LRP2BP: variants seen among roughly 807,000 people sequenced by gnomAD.
The protein encoded by LRP2BP is LRP2 binding protein, also known as LRP2-binding protein.
LRP2BP carries 38 observed loss-of-function variants against 45.2 expected under a neutral mutation model. The ratio of observed to expected loss-of-function variants is 0.84; its 90% CI spans 0.65 to 1.10. The LOEUF (loss-of-function observed/expected upper bound fraction) is 1.10. Ranked by LOEUF, LRP2BP falls within the 50% of genes least tolerant of loss-of-function variation. The pLI is 0.00. For synonymous variants in LRP2BP, 153 were observed against 153.9 expected (o/e 0.99, Z 0.04); for missense variants, 385 against 418.9 (o/e 0.92, Z 0.71).
chr4:185,370,874 A>T, intron 7 of LRP2BP, 60 bp from the exon 8 acceptor site: 1 of 1,553,906 alleles, frequency 6.4e-7, no homozygotes, highest in Non-Finnish European at 8.9e-7. Context: ...TGTTTGTAAA[A>T]CGATGCGCCT....
chr4:185,367,548 A>G (rs1017720679), intron 8 of LRP2BP, among the ~76,000 whole-genome samples: 1 of 152,208 alleles, frequency 6.6e-6, no homozygotes, highest in Non-Finnish European at 1.5e-5. Flanking sequence ...TAAAATGGAG[A>G]GCATTAACAT....
Position 185,378,459 on chromosome 4 carries a change from G to A in LRP2BP, c.-21-252C>T, listed in dbSNP as rs867327926. 7 of 1,234,286 alleles carry A rather than the reference G, an allele frequency of 5.7e-6. No individual in the cohort carries two copies. The South Asian group carries it at 6.3e-5, about 11-fold the overall frequency. 76.5% of individuals were successfully genotyped at this position (1,234,286 alleles called of 1,614,324 possible). A position where few individuals can be genotyped will look rare whatever the true frequency, so the allele number is the denominator to read the frequency against. Reference sequence around the variant, plus strand: ...CATTCACCATGAGACCTGTTTGCACGTCCTGTCTGGCTATGGGTTTATACA... The same window carrying A: ...CATTCACCATGAGACCTGTTTGCACATCCTGTCTGGCTATGGGTTTATACA... On this transcript the variant is annotated intron_variant, in intron 1 of 8. Transcript: ENST00000505916.
intron 1 of LRP2BP, among the ~76,000 whole-genome samples, chr4:185,385,817 C>T (rs1418265623): frequency 6.6e-6 from 1 of 150,784 alleles, no homozygotes; most frequent in African/African-American, 2.5e-5. Flanking sequence ...AGGAGAATTG[C>T]TCAAACCCGG....
chr4:185,380,647 TA>T (rs767418939), intron 1 of LRP2BP, among the ~76,000 whole-genome samples: 11 of 152,320 alleles, frequency 7.2e-5, no homozygotes, highest in Non-Finnish European at 1.5e-4. Flanking sequence ...ACATGTAAAA[TA>T]TCCTATTTCC....
upstream of LRP2BP, chr4:185,396,897 A>T (rs757111355): frequency 1.2e-6 from 2 of 1,612,478 alleles, no homozygotes; most frequent in Non-Finnish European, 1.7e-6. Flanking sequence ...ACTTCCAAGG[A>T]CTCTTGTCAT....
At chr4:185,386,993 C>G (rs1282529785) in intron 1 of LRP2BP, among the ~76,000 whole-genome samples, 1 of 152,166 alleles carries the variant, frequency 6.6e-6, no homozygotes, top group East Asian at 1.9e-4. Context: ...TGCCTGTAAT[C>G]CCAGCACTTT....
chr4:185,396,919 G>A (rs371815282), upstream of LRP2BP: 1 of 1,613,472 alleles, frequency 6.2e-7, no homozygotes, highest in African/African-American at 1.3e-5. Flanking sequence ...TGCCTTAGGC[G>A]GGAAATGCTG....
chr4:185,397,110 C>A (rs1345082024), upstream of LRP2BP: 1 of 1,611,312 alleles, frequency 6.2e-7, no homozygotes, highest in Admixed American at 1.7e-5. Flanking sequence ...CGGGACTGGA[C>A]AAAGGTGGGA....
chr4:185,378,575 C>T (rs2095445985), intron 1 of LRP2BP: 1 of 1,003,330 alleles, frequency 1.0e-6, no homozygotes, highest in Non-Finnish European at 1.2e-6. Context: ...GCACTGGTAC[C>T]TTCTCTGCCC....
chr4:185,386,133 A>T (rs1468150227), intron 1 of LRP2BP, among the ~76,000 whole-genome samples: 1 of 152,228 alleles, frequency 6.6e-6, no homozygotes, highest in Non-Finnish European at 1.5e-5. Context: ...CACATTTGAG[A>T]AGTTCTGGAC....
rs763412583 is a variant in LRP2BP at position 185,367,136 on chromosome 4, G to T, written c.*44C>A. On this transcript the variant is annotated 3_prime_UTR_variant, in exon 9 of 9. Coordinates refer to ENST00000505916, the MANE Select transcript of LRP2BP (RefSeq NM_001377440.1). ...TAGCTACTGTAAAAATACACACATT[G>T]TGAGGTGTTAGCATTGATGATCTTT... 6.8e-6 allele frequency: 10 copies of T among 1,469,916 alleles called. No homozygotes were observed. The South Asian group carries it at 9.4e-5, about 14-fold the overall frequency. 91.1% of individuals were successfully genotyped at this position (1,469,916 alleles called of 1,614,324 possible).
At chr4:185,378,324 A>G in intron 1 of LRP2BP, 117 bp from the exon 2 acceptor site, 1 of 1,455,468 alleles carries the variant, frequency 6.9e-7, no homozygotes, top group Non-Finnish European at 9.0e-7. Context: ...CATCGCCTAG[A>G]TAGAACACCA....
At chr4:185,396,831 G>C, upstream of LRP2BP, 1 of 1,382,738 alleles carries the variant, frequency 7.2e-7, no homozygotes, top group Admixed American at 1.7e-5. Context: ...TCCCGTGCTA[G>C]GGCCAGCCTG....
rs541339069 is a variant in LRP2BP, at chr4:185,389,904, TA to T, written c.-22+4874del. Among the ~76,000 whole-genome samples, 3 of 152,080 alleles carry T rather than the reference TA, an allele frequency of 2.0e-5. No homozygotes were observed. In the South Asian group the frequency reaches 6.2e-4, roughly 32 times the overall value. ...ATGTGCACTTTATACCCAAAACGTG[TA>T]AAAAAAAGTTATTTCCCAATCTTCT... On this transcript the variant is annotated intron_variant, in intron 1 of 8. Coordinates refer to ENST00000505916, the MANE Select transcript of LRP2BP (RefSeq NM_001377440.1).
rs115278939 is a variant in LRP2BP, at chr4:185,395,776, T to C, written c.-1019A>G. ...AGAGGACAAGCATGAACTTGTTTTC[T>C]AACAGCATAACAATAAACGTATTTA... On this transcript the variant is annotated 5_prime_UTR_variant, in exon 1 of 9. Coordinates refer to ENST00000505916, the MANE Select transcript of LRP2BP (RefSeq NM_001377440.1). 1 of 985,438 alleles carries C rather than the reference T, an allele frequency of 1.0e-6. No individual in the cohort carries two copies. The highest frequency in any genetic ancestry group is 1.2e-6 in the Non-Finnish European group (1 of 829,922). The allele number at this position is 985,438 out of a possible 1,614,324, so 61.0% of individuals were successfully genotyped here.
chr4:185,391,339 G>A lies in LRP2BP; in HGVS notation c.-22+3440C>T, dbSNP rs146443578. 3.5e-3 allele frequency among the ~76,000 whole-genome samples: 528 copies of A among 152,254 alleles called. 3 individuals carry two copies. The highest frequency in any genetic ancestry group is 0.012 in the African/African-American group (493 of 41,536). ...CAACAGGCTTCTCCACTGTAAAGTC[G>A]CTTCGTTTTCCCCTTCCCATACTCT... On this transcript the variant is annotated intron_variant, in intron 1 of 8. Coordinates refer to ENST00000505916, the MANE Select transcript of LRP2BP (RefSeq NM_001377440.1).
At chr4:185,378,554 A>G (rs2095445886) in intron 1 of LRP2BP, 1 of 1,029,716 alleles carries the variant, frequency 9.7e-7, no homozygotes, top group Non-Finnish European at 1.2e-6. Context: ...GCCCACAGTC[A>G]GAGCTCTTCT....
chr4:185,375,664 A>C lies in LRP2BP; in HGVS notation c.279T>G (p.Thr93=). The C allele has an allele frequency of 1.2e-6, 2 of 1,612,270 alleles. No homozygotes were observed. The highest frequency in any genetic ancestry group is 1.7e-6 in the Non-Finnish European group (2 of 1,179,446). Residue 93 remains threonine, a synonymous_variant, in exon 4 of 9, where the codon ACT becomes ACG. Coordinates refer to ENST00000505916, the MANE Select transcript of LRP2BP (RefSeq NM_001377440.1). The part of the protein sequence containing the change: ...EEIKEKDHQA[T]YQLGVMYYDG... ...CATAGTACATCACTCCTAGCTGGTAAGTTGCTTGATGGTCTTTCTCCTTGA... is the reference window on the plus strand; with the variant it reads ...CATAGTACATCACTCCTAGCTGGTACGTTGCTTGATGGTCTTTCTCCTTGA...
intron 1 of LRP2BP, among the ~76,000 whole-genome samples, chr4:185,388,868 A>T (rs2095479793): frequency 6.8e-6 from 1 of 146,330 alleles, no homozygotes; most frequent in Non-Finnish European, 1.5e-5. Flanking sequence ...TCTTACTAAT[A>T]AAATAATAAT....
Sources: gnomAD v4.1 joint callset for allele counts (sites outside exome capture counted in the v4.1 genomes callset) on GRCh38, gnomAD v4.1.1 for gene constraint, MANE v1.5 for transcripts, NCBI Gene and HGNC (gene_info 2026-07-23, HGNC 2026-07-21) for gene names.